The following NRXN3 variants were observed in gnomAD, a reference collection of about 807,000 sequenced individuals.
NRXN3 encodes neurexin III.
A neutral mutation model predicts 137.6 loss-of-function variants in NRXN3; 32 were observed. The ratio of observed to expected loss-of-function variants is 0.23; its 90% CI spans 0.18 to 0.31. The LOEUF (loss-of-function observed/expected upper bound fraction) is 0.31. NRXN3 is among the 10% of genes least tolerant of loss of function. The pLI, the probability that NRXN3 is intolerant of heterozygous loss-of-function variation, is 1.00. For synonymous variants in NRXN3, 798 were observed against 784.5 expected (o/e 1.02, Z -0.29); for missense variants, 1,574 against 2,062.5 (o/e 0.76, Z 4.59).
chr14:79,590,943 G>C (rs147546663), intron 16 of NRXN3, among the ~76,000 whole-genome samples: 1 of 152,124 alleles, frequency 6.6e-6, no homozygotes, highest in East Asian at 1.9e-4. Flanking sequence ...TCTTTCTAAG[G>C]TCTCTCAGAA....
At chr14:79,333,263 A>G (rs1454770605) in intron 15 of NRXN3, among the ~76,000 whole-genome samples, 1 of 151,572 alleles carries the variant, frequency 6.6e-6, no homozygotes, top group Non-Finnish European at 1.5e-5. Context: ...TGTTTTCTTT[A>G]GGTTCAGCCT....
chr14:79,016,961 C>T (rs1486560859), intron 15 of NRXN3, among the ~76,000 whole-genome samples: 1 of 152,016 alleles, frequency 6.6e-6, no homozygotes, highest in African/African-American at 2.4e-5. Flanking sequence ...GGAAAAGGCT[C>T]GTGGGCAGAC....
At position 79,000,250 on chromosome 14, in the gene NRXN3, A is replaced by AATATATATAT. The variant is rs879401432; in HGVS notation, c.3262+12109_3262+12110insATATATATAT. 1.4e-3 allele frequency among the ~76,000 whole-genome samples: 208 copies of AATATATATAT among 152,330 alleles called. 1 individual carries two copies. The highest frequency in any genetic ancestry group is 4.5e-3 in the African/African-American group (187 of 41,586). ...TTCTTATGTGAGTGAAATCAAATGC[A>AATATATATAT]TGTATGTGCATACATATGTAATATA... On this transcript the variant is annotated intron_variant, in intron 15 of 20. Coordinates refer to ENST00000335750, the MANE Select transcript of NRXN3 (RefSeq NM_001330195.2).
At position 78,243,566 on chromosome 14, in the gene NRXN3, C is replaced by A; in HGVS notation, c.473C>A (p.Pro158His). 1.3e-6 allele frequency: 2 copies of A among 1,598,370 alleles called. No individual in the cohort carries two copies. The highest frequency in any genetic ancestry group is 1.7e-6 in the Non-Finnish European group (2 of 1,179,780). ...FLGGVPTDIR[P>H]SALTLDGVQA... ...GGTGGAGTCCCTACTGACATACGAC[C>A]TTCTGCCCTGACCCTTGATGGAGTT... Residue 158 changes from proline to histidine, a missense_variant, in exon 2 of 21, where the codon CCT becomes CAT. Pro to His is a moderately conservative substitution (Grantham distance 77, BLOSUM62 -2). Around this residue, in one of 5 missense-constraint regions of NRXN3, gnomAD observed 400 missense variants for 527.3 expected, o/e 0.76. Transcript: ENST00000335750. This position sits in a 1 kb window ranked among gnomAD's most constrained non-coding sequence, Gnocchi z 4.2.
chr14:79,700,642 A>G (rs1030406789), intron 19 of NRXN3, among the ~76,000 whole-genome samples: 4 of 152,086 alleles, frequency 2.6e-5, no homozygotes, highest in African/African-American at 9.7e-5. Context: ...TTGATTTCAG[A>G]TCAAAGGAAA....
At chr14:79,419,767 T>G (rs2095549304) in intron 15 of NRXN3, among the ~76,000 whole-genome samples, 1 of 152,068 alleles carries the variant, frequency 6.6e-6, no homozygotes, top group Admixed American at 6.6e-5. Context: ...GGATGGAAGC[T>G]CCCTCCCTGG....
At chr14:79,462,487 A>G (rs1003226907) in intron 15 of NRXN3, among the ~76,000 whole-genome samples, 5 of 144,504 alleles carry the variant, frequency 3.5e-5, no homozygotes, top group African/African-American at 1.3e-4. Context: ...AGGGAAGGCT[A>G]TTTTGATATA....
chr14:79,740,256 T>G (rs1341244847), intron 19 of NRXN3, among the ~76,000 whole-genome samples: 1 of 152,108 alleles, frequency 6.6e-6, no homozygotes, highest in Non-Finnish European at 1.5e-5. Context: ...TCTTCTGAAG[T>G]ATAACAATAG....
chr14:79,380,286 T>C (rs925875548), intron 15 of NRXN3, among the ~76,000 whole-genome samples: 4 of 151,712 alleles, frequency 2.6e-5, no homozygotes, highest in South Asian at 2.1e-4. Flanking sequence ...CATGCTGGTG[T>C]GCTGCACCCA....
At chr14:79,460,843 A>G (rs2096326778) in intron 15 of NRXN3, among the ~76,000 whole-genome samples, 2 of 152,200 alleles carry the variant, frequency 1.3e-5, no homozygotes. Context: ...AAATCTGCTC[A>G]TTTCTTTGCC....
chr14:78,463,082 A>G (rs556861446), intron 4 of NRXN3, among the ~76,000 whole-genome samples: 1 of 152,296 alleles, frequency 6.6e-6, no homozygotes, highest in African/African-American at 2.4e-5. Context: ...TCCCACTTGT[A>G]AGTGAGACAT....
At chr14:78,919,757 C>T (rs1327688157) in intron 10 of NRXN3, among the ~76,000 whole-genome samples, 1 of 150,952 alleles carries the variant, frequency 6.6e-6, no homozygotes, top group Non-Finnish European at 1.5e-5. Flanking sequence ...GGCCTTATTA[C>T]TATAATGGTC....
At chr14:79,262,204 A>C (rs570717129) in intron 15 of NRXN3, among the ~76,000 whole-genome samples, 2 of 152,244 alleles carry the variant, frequency 1.3e-5, no homozygotes, top group African/African-American at 4.8e-5. Flanking sequence ...CTTCTTTTAA[A>C]AGGAAAAATG....
chr14:78,372,789 GGGTTCA>G (rs1363991037), intron 4 of NRXN3, among the ~76,000 whole-genome samples: 2 of 152,132 alleles, frequency 1.3e-5, no homozygotes, highest in Non-Finnish European at 2.9e-5. Context: ...ACACATAGTA[GGGTTCA>G]AATATTCATT....
At chr14:78,179,149 T>C (rs937952162) in intron 1 of NRXN3, among the ~76,000 whole-genome samples, 1 of 152,232 alleles carries the variant, frequency 6.6e-6, no homozygotes, top group East Asian at 1.9e-4. Flanking sequence ...AGCAGGAACA[T>C]GTGCACTGAC....
intron 20 of NRXN3, among the ~76,000 whole-genome samples, chr14:79,847,170 T>A (rs2099378936): frequency 6.6e-6 from 1 of 152,152 alleles, no homozygotes; most frequent in Non-Finnish European, 1.5e-5. Context: ...AGTATCTGAC[T>A]CAGCAAACAA....
chr14:78,990,766 G>A (rs957829522), intron 15 of NRXN3, among the ~76,000 whole-genome samples: 47 of 152,220 alleles, frequency 3.1e-4, no homozygotes, highest in African/African-American at 1.1e-3. Context: ...TAGCAGAATG[G>A]TAGATTGTTT....
intron 20 of NRXN3, among the ~76,000 whole-genome samples, chr14:79,810,519 G>A (rs2099228122): frequency 6.6e-6 from 1 of 152,204 alleles, no homozygotes; most frequent in Admixed American, 6.5e-5. Context: ...TATTCCCAGA[G>A]TGGTTCTCAG....
intron 3 of NRXN3, among the ~76,000 whole-genome samples, chr14:78,294,693 T>A (rs2076148793): frequency 6.6e-6 from 1 of 152,052 alleles, no homozygotes; most frequent in African/African-American, 2.4e-5. Flanking sequence ...GGCAAAGAAA[T>A]GTTTAACAAC....
Sources: gnomAD v4.1 joint callset for allele counts (sites outside exome capture counted in the v4.1 genomes callset) on GRCh38, gnomAD v4.1.1 for gene constraint, gnomAD v4.1.1 regional missense constraint, Gnocchi (gnomAD v3.1) non-coding constraint, MANE v1.5 for transcripts, NCBI Gene and HGNC (gene_info 2026-07-23, HGNC 2026-07-21) for gene names.